The following CFAP161 variants were observed in gnomAD, a reference collection of about 807,000 sequenced individuals.
CFAP161 encodes cilia- and flagella-associated protein 161.
In CFAP161, 25 loss-of-function variants were observed where a neutral mutation model predicts 29.0. That is an observed-to-expected ratio of 0.86 (90% CI 0.63 to 1.20). The LOEUF is 1.20. Among genes scored for constraint, CFAP161 ranks in the 50% most tolerant of loss-of-function variants. The pLI is 0.00. For missense variants in CFAP161, 367 were observed against 371.9 expected (o/e 0.99, Z 0.11); for synonymous variants, 116 against 137.4 (o/e 0.84, Z 1.09).
At chr15:81,131,136 T>TAAAAAAAAAAAAA (rs34706078), upstream of CFAP161, among the ~76,000 whole-genome samples, 1 of 130,918 alleles carries the variant, frequency 7.6e-6, no homozygotes. Flanking sequence ...CTTCAATTTG[T>TAAAAAAAAAAAAA]AAAAAAAAAA....
At position 81,109,835 on chromosome 15, in the gene CFAP161, C is replaced by T. The variant is rs906238738; in HGVS notation, c.-141-17755C>T. ...TTCCTTCCAAATTGATGTGGATGGT[C>T]TACCACTGCAGGCTTCATCTTCAAC... On this transcript the variant is annotated intron_variant, in intron 1 of 4. Coordinates refer to the CFAP161 transcript ENST00000560091. Among the ~76,000 whole-genome samples the T allele has an allele frequency of 3.9e-5, 6 of 152,182 alleles. No individual in the cohort carries two copies. The South Asian group carries it at 1.0e-3, about 26-fold the overall frequency.
At chr15:81,138,266 C>T in intron 4 of CFAP161, 131 bp downstream of exon 4, 1 of 698,338 alleles carries the variant, frequency 1.4e-6, no homozygotes, top group Non-Finnish European at 2.4e-6. Context: ...ACTATGGTGT[C>T]AGCTTGCAGC....
intron 4 of CFAP161, among the ~76,000 whole-genome samples, chr15:81,141,532 C>T (rs973702578): frequency 2.0e-5 from 3 of 152,110 alleles, no homozygotes; most frequent in East Asian, 1.9e-4. Flanking sequence ...TCTTATACCT[C>T]GAATTTTGGT....
rs576400926 is a variant in CFAP161 at position 81,136,456 on chromosome 15, T to G, written c.160-60T>G. 6.3e-4 allele frequency: 936 copies of G among 1,495,262 alleles called. 1 individual carries two copies. The highest frequency in any genetic ancestry group is 8.3e-4 in the Non-Finnish European group (895 of 1,076,436). 92.6% of individuals were successfully genotyped at this position (1,495,262 alleles called of 1,614,324 possible). A position where few individuals can be genotyped will look rare whatever the true frequency, so the allele number is the denominator to read the frequency against. ...TAGTCCGAGAAGGAAGAAAATTGCC[T>G]TGGCAGTAACTGTTGAGGAATTGCA... On this transcript the variant is annotated intron_variant, in intron 2 of 6. Transcript: ENST00000286732.
chr15:81,147,966 T>C (rs561084816), intron 6 of CFAP161, 35 bp downstream of exon 6: 89 of 1,536,024 alleles, frequency 5.8e-5, no homozygotes, highest in Non-Finnish European at 7.3e-5. Flanking sequence ...AATGCTGTGA[T>C]TGGGGCTGGG....
upstream of CFAP161, among the ~76,000 whole-genome samples, chr15:81,132,052 C>G (rs1049897664): frequency 6.6e-6 from 1 of 151,986 alleles, no homozygotes; most frequent in African/African-American, 2.4e-5. Flanking sequence ...TGAGGAGGGC[C>G]GATCACTTGA....
chr15:81,136,503 A>G lies in CFAP161; in HGVS notation c.160-13A>G, dbSNP rs763394362. 2 of 1,611,862 alleles carry G rather than the reference A, an allele frequency of 1.2e-6. No homozygotes were observed. The highest frequency in any genetic ancestry group is 1.7e-5 in the Admixed American group (1 of 60,024). Reference sequence around the variant, plus strand: ...TGCATGGTTTATGTAATAAACTACTATCAAAATTGTAGATGCAACTTTCCG... The same window carrying G: ...TGCATGGTTTATGTAATAAACTACTGTCAAAATTGTAGATGCAACTTTCCG... On this transcript the variant is annotated splice_polypyrimidine_tract_variant and intron_variant, in intron 2 of 6. Transcript: ENST00000286732.
intron 1 of CFAP161, chr15:81,117,800 C>A: frequency 3.2e-6 from 1 of 316,794 alleles, no homozygotes; most frequent in Non-Finnish European, 6.2e-6. Flanking sequence ...CCTTCTACAT[C>A]TTCGTCTTCA....
intron 1 of CFAP161, among the ~76,000 whole-genome samples, chr15:81,106,371 C>T (rs536554353): frequency 2.0e-5 from 3 of 152,242 alleles, no homozygotes; most frequent in East Asian, 1.9e-4. Context: ...GGGGTTTCAC[C>T]GTGTTAACCA....
At chr15:81,105,130 TC>T (rs1223539709) in intron 1 of CFAP161, among the ~76,000 whole-genome samples, 3 of 13,852 alleles carry the variant, frequency 2.2e-4, no homozygotes, top group East Asian at 1.4e-3. Flanking sequence ...CATACCTTTC[TC>T]CCCCCTCCCC....
rs749821239 is a variant in CFAP161, at chr15:81,148,526, C to A, written c.899C>A (p.Thr300Lys). The change falls in exon 7 of 7, where the codon ACG becomes AAG. Residue 300 changes from threonine to lysine, a missense_variant. Physicochemically the swap from Thr to Lys is moderately conservative, Grantham distance 78 (BLOSUM62 -1). Transcript: ENST00000286732. ...ATGGAGCAGGCCATGGGCCTTGACA[C>A]GCAGTAACACGCCAGGCACGTGCAT... ...RAMEQAMGLD[T>K]Q 3 of 1,610,248 alleles carry A rather than the reference C, an allele frequency of 1.9e-6. No homozygotes were observed. The highest frequency in any genetic ancestry group is 2.5e-6 in the Non-Finnish European group (3 of 1,176,712).
At chr15:81,133,995 C>T (rs1894761006), upstream of CFAP161, among the ~76,000 whole-genome samples, 1 of 152,194 alleles carries the variant, frequency 6.6e-6, no homozygotes, top group Non-Finnish European at 1.5e-5. Context: ...CCTCGACAAG[C>T]AAGGGGTACT....
intron 1 of CFAP161, among the ~76,000 whole-genome samples, chr15:81,114,723 G>C (rs1032188778): frequency 2.6e-5 from 4 of 152,296 alleles, no homozygotes; most frequent in Non-Finnish European, 5.9e-5. Context: ...GAGTGCAGTG[G>C]CGCGATCTCG....
At chr15:81,148,038 C>G (rs1265364040) in intron 6 of CFAP161, 107 bp downstream of exon 6, 7 of 921,452 alleles carry the variant, frequency 7.6e-6, no homozygotes, top group Non-Finnish European at 9.8e-6. Flanking sequence ...CAAAAAATGT[C>G]CTTTGCTGAT....
chr15:81,109,092 G>A (rs1319658292), intron 1 of CFAP161, among the ~76,000 whole-genome samples: 2 of 152,128 alleles, frequency 1.3e-5, no homozygotes, highest in Non-Finnish European at 2.9e-5. Context: ...TCTCCTGGGT[G>A]TTTATCTGCT....
intron 1 of CFAP161, among the ~76,000 whole-genome samples, chr15:81,122,183 C>A (rs982804242): frequency 6.6e-6 from 1 of 152,146 alleles, no homozygotes; most frequent in Non-Finnish European, 1.5e-5. Context: ...CATACACATG[C>A]ATGTGTCTTT....
chr15:81,143,729 A>G lies in CFAP161; in HGVS notation c.545A>G (p.Tyr182Cys). The change falls in exon 5 of 7, where the codon TAC (tyrosine) becomes TGC (cysteine). Residue 182 changes from tyrosine (Y) to cysteine (C), a missense_variant. Coordinates refer to ENST00000286732, the MANE Select transcript of CFAP161 (RefSeq NM_173528.4). ...SSKRSWLQEV[Y>C]LTDEVSHVNC... ...AAGAGGTCTTGGCTCCAGGAAGTGT[A>G]CCTAACAGATGAGGTCTCCCATGTG... 37 of 1,614,072 alleles carry G rather than the reference A, an allele frequency of 2.3e-5. No homozygotes were observed. Among genetic ancestry groups the G allele is most frequent in the Non-Finnish European group, 3.1e-5 (36 of 1,180,020 alleles).
At chr15:81,122,473 A>AT (rs374505611) in intron 1 of CFAP161, among the ~76,000 whole-genome samples, 52 of 143,084 alleles carry the variant, frequency 3.6e-4, no homozygotes, top group Admixed American at 1.3e-3. Context: ...AGTGATGTTG[A>AT]TTTTTTTTTC....
At chr15:81,144,693 GGGA>G (rs1036194475) in intron 5 of CFAP161, among the ~76,000 whole-genome samples, 2 of 151,886 alleles carry the variant, frequency 1.3e-5, no homozygotes, top group African/African-American at 4.8e-5. Flanking sequence ...AGGCTGAGGT[GGGA>G]GGATCACCTG....
Sources: gnomAD v4.1 joint callset for allele counts (sites outside exome capture counted in the v4.1 genomes callset) on GRCh38, gnomAD v4.1.1 for gene constraint, MANE v1.5 for transcripts, NCBI Gene and HGNC (gene_info 2026-07-23, HGNC 2026-07-21) for gene names.